Variants in PID1 observed in about 807,000 individuals in gnomAD.
PID1 encodes PTB-containing, cubilin and LRP1-interacting protein.
Under a neutral mutation model 19.1 loss-of-function variants are expected in PID1, and 10 were observed. That is an observed-to-expected ratio of 0.52 (90% CI 0.32 to 0.89). PID1 has a LOEUF of 0.89. Ranked by LOEUF, PID1 falls within the 40% of genes least tolerant of loss-of-function variation. The pLI is 0.03. For synonymous variants in PID1, 130 were observed against 116.0 expected (o/e 1.12, Z -0.78); for missense variants, 248 against 285.3 (o/e 0.87, Z 0.94).
At chr2:229,151,418 C>T (rs1245171971) in intron 2 of PID1, among the ~76,000 whole-genome samples, 4 of 152,192 alleles carry the variant, frequency 2.6e-5, no homozygotes, top group Non-Finnish European at 5.9e-5. Flanking sequence ...AATGGGGCTA[C>T]ACCTGGCACT....
rs554238067 is a variant in PID1, at chr2:229,190,168, C to T, written c.31-34204G>A. On this transcript the variant is annotated intron_variant, in intron 1 of 2. Coordinates refer to ENST00000392055, the MANE Select transcript of PID1 (RefSeq NM_001100818.2). ...TGACGTTGGTTCCCCTCTACGGCAA[C>T]GGCATAAATATTCCCTTTTAAATAA... Among the ~76,000 whole-genome samples, 251 of 152,230 alleles carry T rather than the reference C, an allele frequency of 1.6e-3. 1 individual carries two copies. The highest frequency in any genetic ancestry group is 2.9e-3 in the South Asian group (14 of 4,824).
chr2:229,270,007 G>C (rs1215890117), intron 1 of PID1, among the ~76,000 whole-genome samples: 1 of 152,202 alleles, frequency 6.6e-6, no homozygotes, highest in Non-Finnish European at 1.5e-5. Context: ...GAGAAACTGT[G>C]CTTGGGGCTG....
Position 229,024,117 on chromosome 2 carries a change from T to C in PID1, c.*1515A>G, listed in dbSNP as rs1411194438. The C allele has an allele frequency of 6.6e-6, 1 of 152,650 alleles. No homozygotes were observed. The highest frequency in any genetic ancestry group is 1.5e-5 in the Non-Finnish European group (1 of 68,044). The allele number at this position is 152,650 out of a possible 1,614,324, so 9.5% of individuals were successfully genotyped here. The stretch of plus-strand genomic sequence containing the variant: ...CTCCTCAATATGACTCCATGCTTAT[T>C]CTACATGCCTGAAAACTGGGCCCAC... On this transcript the variant is annotated 3_prime_UTR_variant, in exon 3 of 3. Transcript: ENST00000392055.
At chr2:229,085,388 A>T (rs1166559893) in intron 2 of PID1, among the ~76,000 whole-genome samples, 2 of 152,144 alleles carry the variant, frequency 1.3e-5, no homozygotes, top group Non-Finnish European at 2.9e-5. Context: ...TGACTCTTTC[A>T]AGTCAGGAAA....
chr2:229,120,745 G>C (rs1413032797), intron 2 of PID1, among the ~76,000 whole-genome samples: 2 of 151,982 alleles, frequency 1.3e-5, no homozygotes, highest in Non-Finnish European at 2.9e-5. Context: ...GAGGTACTGG[G>C]GTGTGGGCCT....
intron 1 of PID1, among the ~76,000 whole-genome samples, chr2:229,162,138 A>G (rs77336394): frequency 0.018 from 2,775 of 152,316 alleles, 84 homozygotes; most frequent in African/African-American, 0.06. Context: ...GCCCTGGACA[A>G]ATTAAACAAA....
intron 1 of PID1, among the ~76,000 whole-genome samples, chr2:229,210,514 G>A (rs1691705836): frequency 1.1e-5 from 1 of 93,298 alleles, no homozygotes; most frequent in Non-Finnish European, 2.0e-5. Context: ...TCCCAGGCTG[G>A]AGTTTTGTCT....
intron 2 of PID1, among the ~76,000 whole-genome samples, chr2:229,140,522 T>G (rs1164486933): frequency 1.3e-5 from 2 of 152,084 alleles, no homozygotes; most frequent in African/African-American, 4.8e-5. Context: ...GTAGAGCTGA[T>G]GTATTTCCTT....
Position 229,270,998 on chromosome 2 carries a change from C to G in PID1, c.30+16G>C. On this transcript the variant is annotated intron_variant, in intron 1 of 2. Coordinates refer to ENST00000392055, the MANE Select transcript of PID1 (RefSeq NM_001100818.2). ...TCCTCCTCCAGGCTGGCCCCCGGCTCCCGGGTGCCCCTTACCTGCAGGCGC... is the reference window on the plus strand; with the variant it reads ...TCCTCCTCCAGGCTGGCCCCCGGCTGCCGGGTGCCCCTTACCTGCAGGCGC... 1 of 1,532,140 alleles carries G rather than the reference C, an allele frequency of 6.5e-7. No homozygotes were observed. The highest frequency in any genetic ancestry group is 8.8e-7 in the Non-Finnish European group (1 of 1,137,356). 94.9% of individuals were successfully genotyped at this position (1,532,140 alleles called of 1,614,324 possible).
At chr2:229,236,277 A>C (rs1689667282) in intron 1 of PID1, 1 of 152,170 alleles carries the variant, frequency 6.6e-6, no homozygotes, top group Non-Finnish European at 1.5e-5. Context: ...TCACCCCCAA[A>C]GAAAAGTGAG....
intron 2 of PID1, among the ~76,000 whole-genome samples, chr2:229,143,795 T>C (rs1172703627): frequency 2.0e-5 from 3 of 152,086 alleles, no homozygotes; most frequent in Non-Finnish European, 2.9e-5. Context: ...CCCCAACCCC[T>C]GCTGCTATGT....
rs528546675 is a variant in PID1 at position 229,247,739 on chromosome 2, A to T, written c.30+23275T>A. Among the ~76,000 whole-genome samples, 5 of 152,124 alleles carry T rather than the reference A, an allele frequency of 3.3e-5. No homozygotes were observed. The South Asian group carries it at 8.3e-4, about 25-fold the overall frequency. ...AGGCACAGACACTTCAGTGACCACC[A>T]CTCCCTAAAACAACTAGAAGTGACA... On this transcript the variant is annotated intron_variant, in intron 1 of 2. Transcript: ENST00000392055.
intron 1 of PID1, chr2:229,236,384 T>TA (rs1488240774): frequency 1.3e-5 from 2 of 152,192 alleles, no homozygotes; most frequent in African/African-American, 4.8e-5. Context: ...CCTTTCCAGA[T>TA]AGAGTGGTCA....
At chr2:229,068,187 G>T (rs1230176747) in intron 2 of PID1, among the ~76,000 whole-genome samples, 2 of 152,170 alleles carry the variant, frequency 1.3e-5, no homozygotes, top group African/African-American at 4.8e-5. Flanking sequence ...ACTACCCATT[G>T]CCCTGGCATT....
intron 2 of PID1, among the ~76,000 whole-genome samples, chr2:229,029,330 A>C (rs1282366353): frequency 6.6e-6 from 1 of 152,042 alleles, no homozygotes. Flanking sequence ...AAAAAAAAAA[A>C]AAACATGAAA....
At chr2:229,072,439 T>C (rs1256094886) in intron 2 of PID1, among the ~76,000 whole-genome samples, 4 of 152,000 alleles carry the variant, frequency 2.6e-5, no homozygotes, top group Non-Finnish European at 1.5e-5. Context: ...GATACAAAAA[T>C]TAGCTGGGCA....
In PID1 at chr2:229,172,878, C is replaced by T. The variant is rs371440306; in HGVS notation, c.31-16914G>A. Among the ~76,000 whole-genome samples the T allele has an allele frequency of 3.5e-4, 54 of 152,182 alleles. No individual in the cohort carries two copies. In the South Asian group the frequency reaches 5.0e-3, roughly 14 times the overall value. ...TCCTGAGCAGCAGGGATTACAAGTG[C>T]GTGCCACCATGCCCGGCTGATTTTT... is the stretch of plus-strand genomic sequence containing the variant. On this transcript the variant is annotated intron_variant, in intron 1 of 2. Transcript: ENST00000392055.
chr2:229,154,843 A>G (rs905429740), intron 2 of PID1, among the ~76,000 whole-genome samples: 1 of 152,228 alleles, frequency 6.6e-6, no homozygotes, highest in Non-Finnish European at 1.5e-5. Flanking sequence ...TCCATAAAAC[A>G]TATTTTCTTT....
At chr2:229,118,833 AAAAAC>A (rs530068923) in intron 2 of PID1, among the ~76,000 whole-genome samples, 1 of 152,208 alleles carries the variant, frequency 6.6e-6, no homozygotes, top group Non-Finnish European at 1.5e-5. Flanking sequence ...ACAAGAGAAA[AAAAAC>A]AAAACAAAAC....
Sources: gnomAD v4.1 joint callset for allele counts (sites outside exome capture counted in the v4.1 genomes callset) on GRCh38, gnomAD v4.1.1 for gene constraint, MANE v1.5 for transcripts, NCBI Gene and HGNC (gene_info 2026-07-23, HGNC 2026-07-21) for gene names.